The following POTEH variants were observed in gnomAD, a reference collection of about 807,000 sequenced individuals.
POTEH encodes ANKRD26-like family C member 3.
In POTEH, 6 loss-of-function variants were observed where a neutral mutation model predicts 41.7. The ratio of observed to expected loss-of-function variants is 0.14; its 90% CI spans 0.08 to 0.28. The LOEUF is 0.28. POTEH is among the 10% of genes least tolerant of loss of function. The probability of loss-of-function intolerance (pLI) is 1.00; values close to 1 mark genes in which losing one functional copy is unlikely to be tolerated. For missense variants in POTEH, 115 were observed against 533.5 expected (o/e 0.22, Z 7.73); for synonymous variants, 38 against 179.9 (o/e 0.21, Z 6.31).
intron 1 of POTEH, among the ~76,000 whole-genome samples, chr22:15,691,309 G>A (rs1989303973): frequency 7.2e-6 from 1 of 138,040 alleles, no homozygotes; most frequent in Admixed American, 7.5e-5. Flanking sequence ...AGATCATGGG[G>A]TCAGGAGATC....
At chr22:15,711,645 T>TCA (rs1292516240) in intron 9 of POTEH, among the ~76,000 whole-genome samples, 16 of 151,734 alleles carry the variant, frequency 1.1e-4, no homozygotes, top group East Asian at 5.9e-4. Flanking sequence ...AGTAGCATAT[T>TCA]CACACACACA....
chr22:15,692,384 G>A (rs1417999385), intron 1 of POTEH, among the ~76,000 whole-genome samples: 1 of 147,124 alleles, frequency 6.8e-6, no homozygotes, highest in African/African-American at 2.5e-5. Flanking sequence ...TATGTGCATA[G>A]GAAAAGATAG....
chr22:15,713,226 T>C (rs1410763764), intron 9 of POTEH, among the ~76,000 whole-genome samples: 1 of 152,236 alleles, frequency 6.6e-6, no homozygotes, highest in Non-Finnish European at 1.5e-5. Flanking sequence ...TCCAGAGTTG[T>C]TTTTCTCAAG....
At chr22:15,706,017 CA>C (rs1275139036) in intron 6 of POTEH, among the ~76,000 whole-genome samples, 20 of 152,232 alleles carry the variant, frequency 1.3e-4, no homozygotes, top group African/African-American at 4.8e-4. Context: ...AAAGAAAGAG[CA>C]AGGAGCGTAT....
chr22:15,710,472 T>C (rs1601502051), intron 8 of POTEH, among the ~76,000 whole-genome samples: 1 of 152,290 alleles, frequency 6.6e-6, no homozygotes, highest in East Asian at 1.9e-4. Context: ...ATCTAGGTGG[T>C]AAAGAGGGAT....
chr22:15,713,387 T>C (rs1315472429), intron 9 of POTEH, among the ~76,000 whole-genome samples: 1 of 152,310 alleles, frequency 6.6e-6, no homozygotes, highest in Non-Finnish European at 1.5e-5. Flanking sequence ...CCTCAGGCTT[T>C]TACTCCTGCC....
chr22:15,718,770 C>G (rs1288268442), intron 9 of POTEH, among the ~76,000 whole-genome samples: 34 of 151,430 alleles, frequency 2.2e-4, no homozygotes, highest in African/African-American at 7.8e-4. Flanking sequence ...CTAGGACTTC[C>G]CAGTTTTATT....
chr22:15,710,690 A>G (rs1989797088), intron 8 of POTEH, among the ~76,000 whole-genome samples, 178 bp from the exon 9 acceptor site: 1 of 152,154 alleles, frequency 6.6e-6, no homozygotes, highest in Non-Finnish European at 1.5e-5. Flanking sequence ...TATTAGTGAT[A>G]TGATAAGTAC....
rs377559161 is a variant in POTEH, at chr22:15,690,424, A to G, written c.347A>G (p.Asn116Ser). Residue 116 changes from asparagine to serine, a missense_variant, in exon 1 of 11, where the codon AAC (asparagine) becomes AGC (serine). Coordinates refer to ENST00000343518, the MANE Select transcript of POTEH (RefSeq NM_001136213.1). ...TGCTGCAGGGGGAGCGGCAAGAGCA[A>G]CGTGGGCACTTCTGGAGACCACGAC... ...FPCCRGSGKS[N>S]VGTSGDHDDS... 1.4e-6 allele frequency: 2 copies of G among 1,407,022 alleles called. 1 individual carries two copies. Among genetic ancestry groups the G allele is most frequent in the Non-Finnish European group, 2.0e-6 (2 of 1,024,796 alleles). The allele number at this position is 1,407,022 out of a possible 1,614,324, so 87.2% of individuals were successfully genotyped here.
intron 1 of POTEH, among the ~76,000 whole-genome samples, chr22:15,691,985 C>CATATATATATATATATATATATAT (rs142856307): frequency 8.0e-6 from 1 of 124,470 alleles, no homozygotes; most frequent in East Asian, 2.2e-4. Context: ...TATGCAGATA[C>CATATATATATATATATATATATAT]ATATATATAT....
intron 9 of POTEH, among the ~76,000 whole-genome samples, chr22:15,714,280 T>C (rs1276765279): frequency 3.0e-4 from 46 of 152,216 alleles, no homozygotes; most frequent in African/African-American, 1.1e-3. Context: ...ACTTCCCCTT[T>C]CATCAATTCT....
At chr22:15,692,003 TATATAA>T (rs1989329874) in intron 1 of POTEH, among the ~76,000 whole-genome samples, 1 of 139,968 alleles carries the variant, frequency 7.1e-6, no homozygotes, top group African/African-American at 2.6e-5. Flanking sequence ...TATATATATA[TATATAA>T]ATTTCTTTTT....
rs1467729390 is a variant in POTEH, at chr22:15,717,078, G to A, written c.1521-2582G>A. 3.8e-5 allele frequency among the ~76,000 whole-genome samples: 3 copies of A among 79,732 alleles called. 1 individual carries two copies. The highest frequency in any genetic ancestry group is 1.2e-4 in the African/African-American group (3 of 25,782). 52.3% of individuals were successfully genotyped at this position (79,732 alleles called of 152,430 possible). On this transcript the variant is annotated intron_variant, in intron 9 of 10. Coordinates refer to ENST00000343518, the MANE Select transcript of POTEH (RefSeq NM_001136213.1). ...ATGTGTATGAATTACCCAGTCTCGG[G>A]TATGTACATACGTATATGTGTGAGT...
rs1388094560 is a variant in POTEH, at chr22:15,691,561, T to G, written c.632+852T>G. Among the ~76,000 whole-genome samples, 1,138 of 141,680 alleles carry G rather than the reference T, an allele frequency of 8.0e-3. 5 individuals are homozygous for G. The highest frequency in any genetic ancestry group is 0.028 in the African/African-American group (1,090 of 39,352). The allele number at this position is 141,680 out of a possible 152,430, so 92.9% of individuals were successfully genotyped here. ...AAAAAAAAAAGTGAGCTTTTTCTAT[T>G]TATCACTTTTACTTAAGCCAAATAA... is the stretch of plus-strand genomic sequence containing the variant. On this transcript the variant is annotated intron_variant, in intron 1 of 10. Coordinates refer to ENST00000343518, the MANE Select transcript of POTEH (RefSeq NM_001136213.1).
At chr22:15,699,497 A>G (rs1481837788) in intron 4 of POTEH, 2 of 191,308 alleles carry the variant, frequency 1.0e-5, no homozygotes, top group Admixed American at 1.1e-4. Context: ...TGACCTTGGG[A>G]ACGTTATTTA....
At chr22:15,714,584 A>G (rs1453953036) in intron 9 of POTEH, among the ~76,000 whole-genome samples, 3 of 151,994 alleles carry the variant, frequency 2.0e-5, no homozygotes, top group Admixed American at 6.5e-5. Context: ...CTTTTTCCCC[A>G]GATATTCTTC....
chr22:15,714,151 G>A (rs551218675), intron 9 of POTEH, among the ~76,000 whole-genome samples: 1,072 of 128,188 alleles, frequency 8.4e-3, no homozygotes, highest in African/African-American at 0.016. Context: ...AGTAAATCTC[G>A]TCAGGTCTAC....
chr22:15,714,116 CTT>C (rs576566209), intron 9 of POTEH, among the ~76,000 whole-genome samples: 196 of 150,980 alleles, frequency 1.3e-3, no homozygotes, highest in African/African-American at 4.2e-3. Flanking sequence ...TTCTCTCTCT[CTT>C]GACACTTCAC....
chr22:15,691,600 A>G, intron 1 of POTEH, among the ~76,000 whole-genome samples: 1 of 144,188 alleles, frequency 6.9e-6, no homozygotes, highest in South Asian at 2.2e-4. Flanking sequence ...TAGCAGTTTT[A>G]GAGTTTTTAA....
Sources: gnomAD v4.1 joint callset for allele counts (sites outside exome capture counted in the v4.1 genomes callset) on GRCh38, gnomAD v4.1.1 for gene constraint, MANE v1.5 for transcripts, NCBI Gene and HGNC (gene_info 2026-07-23, HGNC 2026-07-21) for gene names.